The following PMEL variants were observed in gnomAD, a reference collection of about 807,000 sequenced individuals.
The protein encoded by PMEL is melanocyte protein PMEL.
Under a neutral mutation model 64.9 loss-of-function variants are expected in PMEL, and 53 were observed. That is an observed-to-expected ratio of 0.82 (90% CI 0.66 to 1.03). The LOEUF is 1.03. Among genes scored for constraint, PMEL ranks in the 50% least tolerant of loss-of-function variants. The pLI is 0.00. For missense variants in PMEL, 716 were observed against 814.9 expected (o/e 0.88, Z 1.48); for synonymous variants, 299 against 316.2 (o/e 0.95, Z 0.58).
chr12:55,958,533 G>A lies in PMEL; in HGVS notation c.409C>T (p.Pro137Ser), dbSNP rs1888984859. 1.2e-6 allele frequency: 2 copies of A among 1,614,064 alleles called. No individual in the cohort carries two copies. Among genetic ancestry groups the A allele is most frequent in the African/African-American group, 2.7e-5 (2 of 75,026 alleles). The change falls in exon 4 of 11, where the codon CCT becomes TCT. Residue 137 changes from proline to serine, a missense_variant. Pro to Ser is a moderately conservative substitution (Grantham distance 74). Transcript: ENST00000548747. ...DDACIFPDGG[P>S]CPSGSWSQKR... The stretch of plus-strand genomic sequence containing the variant: ...TGAGACCAAGAGCCAGATGGGCAAG[G>A]TCCACCATCAGGGAAGATGCAGGCA...
chr12:55,956,009 T>A, intron 7 of PMEL, 94 bp downstream of exon 7: 1 of 1,099,356 alleles, frequency 9.1e-7, no homozygotes, highest in Non-Finnish European at 1.4e-6. Context: ...TCTTCCTATC[T>A]AGGTGAGTAA....
chr12:55,956,822 A>C, intron 6 of PMEL, 127 bp downstream of exon 6: 1 of 987,246 alleles, frequency 1.0e-6, no homozygotes, highest in African/African-American at 1.6e-5. Context: ...TAGCCAGGCC[A>C]GTGAGAACTC....
intron 3 of PMEL, among the ~76,000 whole-genome samples, chr12:55,960,044 T>A (rs772700910): frequency 1.3e-5 from 2 of 151,116 alleles, no homozygotes; most frequent in African/African-American, 2.4e-5. Flanking sequence ...ACAAAAGAAT[T>A]AGCCGGGCAT....
chr12:55,966,204 C>A, upstream of PMEL: 1 of 814,198 alleles, frequency 1.2e-6, no homozygotes, highest in Non-Finnish European at 1.9e-6. Context: ...TCCTGCTACT[C>A]AATGACAGTT....
Position 55,955,498 on chromosome 12 carries a change from G to C in PMEL, c.1728C>G (p.Ser576Arg), listed in dbSNP as rs540067645. The change falls in exon 9 of 11, where the codon AGC (serine) becomes AGG (arginine). Residue 576 changes from serine (S) to arginine (R), a missense_variant. Coordinates refer to ENST00000548747, the MANE Select transcript of PMEL (RefSeq NM_001384361.1). ...CLNVSLADTN[S>R]LAVVSTQLIM... ...TAAGCTGGGTGCTGACCACTGCCAG[G>C]CTGTTGGTATCAGCCAGAGACACAT... 8.1e-6 allele frequency: 13 copies of C among 1,613,980 alleles called. No individual in the cohort carries two copies. In the Admixed American group the frequency reaches 2.0e-4, roughly 25 times the overall value.
rs374498401 is a variant in PMEL, at chr12:55,956,121, C to T, written c.1453G>A (p.Val485Ile). 98 of 1,612,386 alleles carry T rather than the reference C, an allele frequency of 6.1e-5. 1 individual carries two copies. The highest frequency in any genetic ancestry group is 3.3e-4 in the Admixed American group (20 of 60,026). ...CVLYRYGSFS[V>I]TLDIVQGIES... ...GACTCACGGACAATGTCCAGGGTGACGGAAAAGGAACCATATCGATACAGA... is the reference window on the plus strand; with the variant it reads ...GACTCACGGACAATGTCCAGGGTGATGGAAAAGGAACCATATCGATACAGA... Residue 485 changes from valine to isoleucine, a missense_variant, in exon 7 of 11, where the codon GTC becomes ATC. By Grantham distance (29) the Val-to-Ile change is conservative. Transcript: ENST00000548747.
chr12:55,955,748 A>C, intron 8 of PMEL, 31 bp downstream of exon 8: 1 of 1,609,830 alleles, frequency 6.2e-7, no homozygotes, highest in Non-Finnish European at 8.5e-7. Context: ...AGTCAACCAA[A>C]GAGTTACCAG....
At chr12:55,966,302 C>T (rs115880418), upstream of PMEL, 828 of 464,288 alleles carry the variant, frequency 1.8e-3, 10 homozygotes, top group African/African-American at 0.015. Flanking sequence ...CCAGACACAA[C>T]AGTTTATCAT....
At chr12:55,960,424 G>A (rs1459041162) in intron 3 of PMEL, among the ~76,000 whole-genome samples, 1 of 151,386 alleles carries the variant, frequency 6.6e-6, no homozygotes, top group Non-Finnish European at 1.5e-5. Flanking sequence ...CACCCAGGCT[G>A]AAGTACAGTG....
At chr12:55,964,708 C>A (rs549929153) in intron 1 of PMEL, among the ~76,000 whole-genome samples, 31 of 151,506 alleles carry the variant, frequency 2.0e-4, no homozygotes, top group African/African-American at 7.3e-4. Flanking sequence ...TCACTGCAAC[C>A]TCTGCCTCCC....
chr12:55,966,649 C>T, upstream of PMEL: 2 of 1,055,420 alleles, frequency 1.9e-6, no homozygotes, highest in South Asian at 3.3e-5. Context: ...GGGGAAGAAA[C>T]TTGTCTAGCC....
intron 4 of PMEL, 188 bp downstream of exon 4, chr12:55,958,285 G>A (rs371920310): frequency 1.3e-6 from 1 of 775,132 alleles, no homozygotes; most frequent in South Asian, 1.9e-5. Context: ...TTGAGGAAGA[G>A]TTGCCAGAAA....
At position 55,957,080 on chromosome 12, in the gene PMEL, A is replaced by G. The variant is rs746581413; in HGVS notation, c.1223T>C (p.Val408Ala). ...TGCAGCTGTGGTTCCAGAAAGCACC[A>G]CAATTGATACCTCTGCAGGTGTCAT... ...TGMTPAEVSIVVLSGTTAAQV... is the reference protein window; with the variant it reads ...TGMTPAEVSIAVLSGTTAAQV... Residue 408 changes from valine (V) to alanine (A), a missense_variant, in exon 6 of 11, where the codon GTG becomes GCG. Coordinates refer to ENST00000548747, the MANE Select transcript of PMEL (RefSeq NM_001384361.1). The G allele has an allele frequency of 9.9e-6, 16 of 1,614,086 alleles. No individual in the cohort carries two copies. The East Asian group carries it at 3.1e-4, about 31-fold the overall frequency.
chr12:55,962,131 C>T (rs897986768), intron 1 of PMEL, among the ~76,000 whole-genome samples: 1 of 151,546 alleles, frequency 6.6e-6, no homozygotes, highest in Admixed American at 6.6e-5. Flanking sequence ...CCACTGCGCC[C>T]GGCTGAAGTG....
intron 7 of PMEL, 44 bp downstream of exon 7, chr12:55,956,059 G>A (rs763617562): frequency 5.1e-6 from 7 of 1,374,582 alleles, no homozygotes; most frequent in Non-Finnish European, 7.3e-6. Flanking sequence ...GCCCTAGGTA[G>A]CACACAGCTG....
chr12:55,954,474 C>G, intron 10 of PMEL, 125 bp from the exon 11 acceptor site: 2 of 902,834 alleles, frequency 2.2e-6, no homozygotes, highest in Non-Finnish European at 3.5e-6. Context: ...TCCTCCCCTT[C>G]TCCTCACCTC....
At position 55,957,361 on chromosome 12, in the gene PMEL, C is replaced by T; in HGVS notation, c.942G>A (p.Arg314=). 1 of 1,595,676 alleles carries T rather than the reference C, an allele frequency of 6.3e-7. No homozygotes were observed. Among genetic ancestry groups the T allele is most frequent in the East Asian group, 2.2e-5 (1 of 44,668 alleles). Residue 314 remains arginine (R), a synonymous_variant, in exon 6 of 11, where the codon AGG becomes AGA. Coordinates refer to ENST00000548747, the MANE Select transcript of PMEL (RefSeq NM_001384361.1). ...TGGTGTTAGGGGCCTCTGCAGTTGGCCTGTGCCCATCTGTGGTGCCTGGAA... is the reference window on the plus strand; with the variant it reads ...TGGTGTTAGGGGCCTCTGCAGTTGGTCTGTGCCCATCTGTGGTGCCTGGAA... ...SPVPGTTDGH[R]PTAEAPNTTA...
rs1888844891 is a variant in PMEL at position 55,955,651 on chromosome 12, G to T, written c.1575C>A (p.Cys525Ter). Residue 525 changes from cysteine (C) to a stop codon, truncating the protein, a stop_gained, in exon 9 of 11, where the codon TGC (cysteine) becomes TGA (stop). Coordinates refer to ENST00000548747, the MANE Select transcript of PMEL (RefSeq NM_001384361.1). LOFTEE classifies it high-confidence loss of function. ...SCQGGLPKEACMEISSPGCQP... is the reference protein window; with the variant it reads ...SCQGGLPKEA ...GGCACCCTGGCGATGAGATCTCCAT[G>T]CAGGCTTCCTTGGGCAGCCTGGAAG... 6.2e-7 allele frequency: 1 copy of T among 1,613,072 alleles called. No homozygotes were observed. The highest frequency in any genetic ancestry group is 1.1e-5 in the South Asian group (1 of 91,028).
At chr12:55,958,702 C>T in intron 3 of PMEL, 95 bp from the exon 4 acceptor site, 1 of 1,240,668 alleles carries the variant, frequency 8.1e-7, no homozygotes, top group African/African-American at 1.5e-5. Context: ...GAGAGGGGCT[C>T]TGGGAATATT....
Sources: gnomAD v4.1 joint callset for allele counts (sites outside exome capture counted in the v4.1 genomes callset) on GRCh38, gnomAD v4.1.1 for gene constraint, MANE v1.5 for transcripts, NCBI Gene and HGNC (gene_info 2026-07-23, HGNC 2026-07-21) for gene names.